The following NUDCD3 variants were observed in gnomAD, a reference collection of about 807,000 sequenced individuals.
The protein encoded by NUDCD3 is NudC domain containing 3, also known as nudC domain-containing protein 3.
In NUDCD3, 13 loss-of-function variants were observed where a neutral mutation model predicts 39.7. The ratio of observed to expected loss-of-function variants is 0.33; its 90% CI spans 0.21 to 0.52. The LOEUF (loss-of-function observed/expected upper bound fraction) is 0.52, where lower values mean the gene tolerates loss of function less well. Ranked by LOEUF, NUDCD3 falls within the 20% of genes least tolerant of loss-of-function variation. NUDCD3 has a pLI of 0.96. For synonymous variants in NUDCD3, 175 were observed against 172.4 expected, an observed-to-expected ratio of 1.02 and a Z score of -0.12; for missense variants, 453 against 458.1, an observed-to-expected ratio of 0.99 and a Z score of 0.10.
intron 3 of NUDCD3, among the ~76,000 whole-genome samples, chr7:44,408,782 A>G (rs1038863550): frequency 2.0e-5 from 3 of 152,014 alleles, no homozygotes; most frequent in African/African-American, 7.3e-5. Context: ...ACCCATCCCC[A>G]CTCTCCAGGC....
At chr7:44,422,762 C>T (rs1799165785) in intron 3 of NUDCD3, among the ~76,000 whole-genome samples, 1 of 151,550 alleles carries the variant, frequency 6.6e-6, no homozygotes, top group African/African-American at 2.4e-5. Flanking sequence ...TAGAAGAAGA[C>T]AGACTCCTCC....
intron 2 of NUDCD3, among the ~76,000 whole-genome samples, chr7:44,449,046 G>A (rs1359442362): frequency 6.6e-6 from 1 of 152,320 alleles, no homozygotes; most frequent in East Asian, 1.9e-4. Flanking sequence ...GGGAGTGGTA[G>A]AGAGCATGGA....
At chr7:44,447,004 G>A (rs947780168) in intron 2 of NUDCD3, among the ~76,000 whole-genome samples, 1 of 152,224 alleles carries the variant, frequency 6.6e-6, no homozygotes, top group Non-Finnish European at 1.5e-5. Context: ...ATGTCAGAAA[G>A]TCATTTCTCA....
At chr7:44,416,647 G>A (rs1478834092) in intron 3 of NUDCD3, among the ~76,000 whole-genome samples, 1 of 152,110 alleles carries the variant, frequency 6.6e-6, no homozygotes, top group Admixed American at 6.5e-5. Context: ...TTAGGTCAGC[G>A]AGCATCACAA....
intron 3 of NUDCD3, among the ~76,000 whole-genome samples, chr7:44,412,926 CAAAAAAAAAAAAAAAAG>C (rs1411053706): frequency 0.014 from 615 of 43,900 alleles, 10 homozygotes; most frequent in African/African-American, 0.046. Context: ...GACGCCGTCT[CAAAAAAAAAAAAAAAAG>C]AAAAAAAAAA....
chr7:44,444,760 C>T (rs1799657931), intron 2 of NUDCD3, among the ~76,000 whole-genome samples: 1 of 152,032 alleles, frequency 6.6e-6, no homozygotes, highest in Non-Finnish European at 1.5e-5. Flanking sequence ...CCTTCTTACC[C>T]ACTGATACCT....
intron 2 of NUDCD3, among the ~76,000 whole-genome samples, chr7:44,449,503 A>T (rs1799752341): frequency 6.6e-6 from 1 of 152,212 alleles, no homozygotes; most frequent in Non-Finnish European, 1.5e-5. Context: ...GGGCAAAATA[A>T]AAGGGAATAA....
At chr7:44,410,523 G>T (rs1417738518) in intron 3 of NUDCD3, among the ~76,000 whole-genome samples, 1 of 152,198 alleles carries the variant, frequency 6.6e-6, no homozygotes, top group East Asian at 1.9e-4. Flanking sequence ...AATTATCCGG[G>T]TGTGGTGGCG....
intron 4 of NUDCD3, chr7:44,402,610 A>G (rs1798746611): frequency 2.2e-6 from 1 of 456,330 alleles, no homozygotes; most frequent in Non-Finnish European, 4.4e-6. Flanking sequence ...GTATCTAAAA[A>G]GTGCAACCGG....
intron 2 of NUDCD3, among the ~76,000 whole-genome samples, chr7:44,451,735 A>C (rs970836212): frequency 6.6e-6 from 1 of 152,178 alleles, no homozygotes; most frequent in African/African-American, 2.4e-5. Flanking sequence ...CATACATCAA[A>C]ACTTATTAAA....
intron 3 of NUDCD3, among the ~76,000 whole-genome samples, chr7:44,417,573 T>A (rs1360274972): frequency 1.3e-5 from 2 of 152,116 alleles, no homozygotes; most frequent in East Asian, 3.9e-4. Context: ...AAACTGTAAA[T>A]TTTTTTTAGC....
chr7:44,414,007 G>T (rs902108412), intron 3 of NUDCD3, among the ~76,000 whole-genome samples: 5 of 150,516 alleles, frequency 3.3e-5, no homozygotes, highest in Non-Finnish European at 3.0e-5. Flanking sequence ...AGCGGGCCAT[G>T]ATGGGTAACA....
chr7:44,440,670 G>A (rs1799564514), intron 2 of NUDCD3, among the ~76,000 whole-genome samples: 1 of 152,120 alleles, frequency 6.6e-6, no homozygotes, highest in African/African-American at 2.4e-5. Context: ...TTCAGACCAT[G>A]GGGTTGAAGC....
chr7:44,483,357 T>C (rs1030754198), intron 2 of NUDCD3, among the ~76,000 whole-genome samples: 2 of 152,166 alleles, frequency 1.3e-5, no homozygotes, highest in African/African-American at 2.4e-5. Context: ...TGCAATTCTA[T>C]ATCCAGCAAA....
At position 44,458,424 on chromosome 7, in the gene NUDCD3, C is replaced by T. The variant is rs1441486408; in HGVS notation, c.509+26544G>A. On this transcript the variant is annotated intron_variant, in intron 2 of 5. Transcript: ENST00000355451. The stretch of plus-strand genomic sequence containing the variant: ...CCTGTAAACTCAGCACTTTGGGAGG[C>T]TGAGGCAGGTGGATCACCTGAGGTC... Among the ~76,000 whole-genome samples the T allele has an allele frequency of 2.0e-5, 3 of 152,294 alleles. No individual in the cohort carries two copies. In the East Asian group the frequency reaches 5.8e-4, roughly 29 times the overall value.
intron 2 of NUDCD3, among the ~76,000 whole-genome samples, chr7:44,448,708 T>A (rs1799731737): frequency 6.6e-6 from 1 of 151,930 alleles, no homozygotes; most frequent in Admixed American, 6.6e-5. Context: ...CTGCTCCAGC[T>A]CAGGCAGGAA....
At chr7:44,435,021 G>A (rs114074652) in intron 2 of NUDCD3, among the ~76,000 whole-genome samples, 1 of 152,188 alleles carries the variant, frequency 6.6e-6, no homozygotes, top group Non-Finnish European at 1.5e-5. Flanking sequence ...TTATGACTAT[G>A]GGATGATTCT....
chr7:44,435,089 C>T (rs1799440084), intron 2 of NUDCD3, among the ~76,000 whole-genome samples: 1 of 148,206 alleles, frequency 6.7e-6, no homozygotes, highest in South Asian at 2.1e-4. Context: ...TAATTCTACA[C>T]TTCTTTATTG....
At chr7:44,397,900 T>C (rs1181972202) in intron 4 of NUDCD3, among the ~76,000 whole-genome samples, 1 of 152,186 alleles carries the variant, frequency 6.6e-6, no homozygotes, top group African/African-American at 2.4e-5. Flanking sequence ...TCCTGTCCTC[T>C]TTAATCTAGG....
Sources: allele counts gnomAD v4.1 joint callset (sites outside exome capture counted in the v4.1 genomes callset), GRCh38; gene constraint gnomAD v4.1.1; transcripts MANE v1.5; gene names NCBI Gene and HGNC (gene_info 2026-07-23, HGNC 2026-07-21).